Variants in ZC3H12B observed in about 807,000 individuals in gnomAD.
ZC3H12B encodes probable ribonuclease ZC3H12B.
A neutral mutation model predicts 43.9 loss-of-function variants in ZC3H12B; 7 were observed. The observed-to-expected ratio is 0.16, with a 90% confidence interval of 0.09 to 0.30. The LOEUF is 0.30. Ranked by LOEUF, ZC3H12B falls within the 10% of genes least tolerant of loss-of-function variation. The pLI, the probability that ZC3H12B is intolerant of heterozygous loss-of-function variation, is 1.00. For synonymous variants in ZC3H12B, 222 were observed against 241.7 expected (o/e 0.92, Z 0.76); for missense variants, 475 against 670.2 (o/e 0.71, Z 3.22).
chrX:65,457,626 C>T (rs1459211339), intron 3 of ZC3H12B, among the ~76,000 whole-genome samples: 5 of 78,669 alleles, frequency 6.4e-5, no homozygotes, highest in East Asian at 3.3e-4. Flanking sequence ...AATAGAAAGG[C>T]GGGAAGGGTG....
the ZC3H12B span, among the ~76,000 whole-genome samples, chrX:65,346,619 G>A: frequency 8.9e-6 from 1 of 112,062 alleles, no homozygotes; most frequent in Non-Finnish European, 1.9e-5. Context: ...AAAATTGACA[G>A]GTGGGTCCTA....
chrX:65,229,692 AAAAC>A, the ZC3H12B span, among the ~76,000 whole-genome samples: 11 of 99,164 alleles, frequency 1.1e-4, no homozygotes, highest in Admixed American at 3.4e-4. Flanking sequence ...TTACAAGAAA[AAAAC>A]AAACAACCCC....
chrX:65,080,782 A>G, the ZC3H12B span, among the ~76,000 whole-genome samples: 1 of 111,798 alleles, frequency 8.9e-6, no homozygotes, highest in African/African-American at 3.2e-5. Flanking sequence ...AATCACCTGA[A>G]GGTACAAAAC....
At chrX:65,345,284 G>A in the ZC3H12B span, among the ~76,000 whole-genome samples, 6 of 112,052 alleles carry the variant, frequency 5.4e-5, no homozygotes, top group African/African-American at 1.9e-4. Flanking sequence ...TAACAAAGAC[G>A]TGGACTCAAC....
chrX:65,446,220 A>G (rs952343750), intron 3 of ZC3H12B, among the ~76,000 whole-genome samples: 1 of 111,866 alleles, frequency 8.9e-6, no homozygotes, highest in Non-Finnish European at 1.9e-5. Context: ...CTGACATTCA[A>G]GTTGCAAGAC....
chrX:65,047,643 C>A, the ZC3H12B span, among the ~76,000 whole-genome samples: 29 of 111,035 alleles, frequency 2.6e-4, no homozygotes, highest in African/African-American at 9.1e-4. Context: ...TAGTAATTTT[C>A]TTTGCTCTGA....
At chrX:65,254,136 T>A in the ZC3H12B span, among the ~76,000 whole-genome samples, 1 of 111,743 alleles carries the variant, frequency 8.9e-6, no homozygotes, top group Non-Finnish European at 1.9e-5. Flanking sequence ...TTGCCAGCAC[T>A]CCACCCCCCC....
At chrX:65,473,082 T>C (rs980237867) in intron 3 of ZC3H12B, among the ~76,000 whole-genome samples, 2 of 102,577 alleles carry the variant, frequency 1.9e-5, no homozygotes, top group African/African-American at 7.2e-5. Flanking sequence ...GGCACAATCT[T>C]GGCTCACTGC....
At chrX:65,330,920 C>T in the ZC3H12B span, 1 of 268,926 alleles carries the variant, frequency 3.7e-6, no homozygotes, top group Admixed American at 4.1e-5. Flanking sequence ...GTTTTCACTT[C>T]AACATGTTTC....
the ZC3H12B span, among the ~76,000 whole-genome samples, chrX:65,131,706 G>T: frequency 1.8e-5 from 2 of 111,651 alleles, no homozygotes; most frequent in Admixed American, 9.5e-5. Context: ...TTGTTGTTTT[G>T]TAGAAGGTGT....
At chrX:65,407,072 G>GAAAGAAAGAAGACCGAGGAAGA (rs776564917) in intron 3 of ZC3H12B, among the ~76,000 whole-genome samples, 9 of 112,493 alleles carry the variant, frequency 8.0e-5, no homozygotes, top group Non-Finnish European at 1.5e-4. Context: ...GTGAAGGAAG[G>GAAAGAAAGAAGACCGAGGAAGA]AAAGAAAGAA....
the ZC3H12B span, among the ~76,000 whole-genome samples, chrX:65,101,042 A>C: frequency 8.9e-6 from 1 of 112,061 alleles, no homozygotes; most frequent in East Asian, 2.8e-4. Flanking sequence ...TATAACAAAC[A>C]GTCTCTCAGA....
chrX:65,119,893 T>A, the ZC3H12B span, among the ~76,000 whole-genome samples: 3 of 112,281 alleles, frequency 2.7e-5, no homozygotes, highest in East Asian at 8.5e-4. Context: ...GCACCATTTA[T>A]TAAATAGGGA....
chrX:65,343,078 A>C, the ZC3H12B span, among the ~76,000 whole-genome samples: 1 of 111,276 alleles, frequency 9.0e-6, no homozygotes, highest in Non-Finnish European at 1.9e-5. Context: ...AAAATGGATA[A>C]ATTCCTGGAC....
rs761081048 is a variant in ZC3H12B at position 65,395,925 on chromosome X, T to C, written n.296-2668T>C. Among the ~76,000 whole-genome samples, 4 of 111,667 alleles carry C rather than the reference T, an allele frequency of 3.6e-5. No homozygotes were observed. In the South Asian group the frequency reaches 1.1e-3, roughly 31 times the overall value. Reference sequence around the variant, plus strand: ...TCACGTTTAGTATTGGGAGGGTATATGTGTCCAGGAATTTATTGATTTCTT... The same window carrying C: ...TCACGTTTAGTATTGGGAGGGTATACGTGTCCAGGAATTTATTGATTTCTT... On this transcript the variant is annotated intron_variant and non_coding_transcript_variant, in intron 2 of 5. Coordinates refer to the ZC3H12B transcript ENST00000617377.
intron 2 of ZC3H12B, among the ~76,000 whole-genome samples, chrX:65,387,038 C>T (rs999407970): frequency 8.9e-6 from 1 of 111,815 alleles, no homozygotes; most frequent in African/African-American, 3.3e-5. Flanking sequence ...TGTTCTTTTA[C>T]ATGTGCTGAG....
At chrX:65,418,002 G>A (rs1187599657) in intron 3 of ZC3H12B, among the ~76,000 whole-genome samples, 2 of 112,135 alleles carry the variant, frequency 1.8e-5, no homozygotes, top group Non-Finnish European at 3.8e-5. Flanking sequence ...GTTTCAAATT[G>A]TGTTCAGATG....
the ZC3H12B span, among the ~76,000 whole-genome samples, chrX:65,046,666 G>T: frequency 1.8e-5 from 2 of 111,636 alleles, no homozygotes; most frequent in Admixed American, 9.6e-5. Flanking sequence ...TTTCCTTTAA[G>T]AACTTTTCCT....
At chrX:65,128,660 C>A in the ZC3H12B span, among the ~76,000 whole-genome samples, 1 of 112,107 alleles carries the variant, frequency 8.9e-6, no homozygotes, top group African/African-American at 3.2e-5. Context: ...AAGTCTCCAA[C>A]TAAAATTATA....
Sources: allele counts gnomAD v4.1 joint callset (sites outside exome capture counted in the v4.1 genomes callset), GRCh38; gene constraint gnomAD v4.1.1; transcripts MANE v1.5; gene names NCBI Gene and HGNC (gene_info 2026-07-23, HGNC 2026-07-21).